Variants in SLC28A3 observed in about 807,000 individuals in gnomAD.
The protein encoded by SLC28A3 is solute carrier family 28 member 3, also known as concentrative Na(+)-nucleoside cotransporter 3.
SLC28A3 carries 68 observed loss-of-function variants against 84.2 expected under a neutral mutation model. The ratio of observed to expected loss-of-function variants is 0.81; its 90% CI spans 0.66 to 0.99. The LOEUF (loss-of-function observed/expected upper bound fraction) is 0.99. SLC28A3 is among the 50% of genes least tolerant of loss of function. The pLI is 0.00. For synonymous variants in SLC28A3, 267 were observed against 303.6 expected, an observed-to-expected ratio of 0.88 and a Z score of 1.25; for missense variants, 712 against 841.5, an observed-to-expected ratio of 0.85 and a Z score of 1.90.
At chr9:84,320,216 A>ATTTTT (rs113128132) in intron 1 of SLC28A3, among the ~76,000 whole-genome samples, 17 of 147,746 alleles carry the variant, frequency 1.2e-4, no homozygotes, top group African/African-American at 4.2e-4. Flanking sequence ...CACCCTGCTC[A>ATTTTT]TTTTTTTTTT....
At chr9:84,345,804 A>G in the SLC28A3 span, among the ~76,000 whole-genome samples, 2 of 152,318 alleles carry the variant, frequency 1.3e-5, no homozygotes, top group South Asian at 2.1e-4. Flanking sequence ...TCTGAAGCCT[A>G]TCTTTAAGGA....
intron 3 of SLC28A3, among the ~76,000 whole-genome samples, chr9:84,307,445 A>AAAAAAAG (rs1554726630): frequency 1.4e-4 from 21 of 146,462 alleles, no homozygotes; most frequent in Admixed American, 5.5e-4. Context: ...AAAAAAAAAA[A>AAAAAAAG]CAAAAACAAA....
chr9:84,340,300 C>T (rs1163338241), intron 1 of SLC28A3, among the ~76,000 whole-genome samples: 1 of 152,084 alleles, frequency 6.6e-6, no homozygotes, highest in Non-Finnish European at 1.5e-5. Context: ...AATAATGGAC[C>T]CCTGCTGTGA....
At chr9:84,310,173 A>G (rs1825943068) in intron 2 of SLC28A3, among the ~76,000 whole-genome samples, 1 of 152,210 alleles carries the variant, frequency 6.6e-6, no homozygotes, top group African/African-American at 2.4e-5. Context: ...GTCTGTGAAT[A>G]TGAACACTAG....
intron 5 of SLC28A3, among the ~76,000 whole-genome samples, chr9:84,301,368 A>AAAAAAAG (rs1825630571): frequency 6.6e-6 from 1 of 150,950 alleles, no homozygotes; most frequent in Non-Finnish European, 1.5e-5. Flanking sequence ...AAAAAAAAAA[A>AAAAAAAG]AAAAAAGAAA....
Position 84,279,256 on chromosome 9 carries a change from A to C in SLC28A3, c.1949+9T>G. 3 of 1,604,632 alleles carry C rather than the reference A, an allele frequency of 1.9e-6. No individual in the cohort carries two copies. Among genetic ancestry groups the C allele is most frequent in the Non-Finnish European group, 2.5e-6 (3 of 1,176,758 alleles). On this transcript the variant is annotated intron_variant, in intron 17 of 17. Transcript: ENST00000376238. ...GAGTATAAAGAAATTATAATCAAGA[A>C]TACAATACCTGCTCAACAGACTTTG...
rs773290675 is a variant in SLC28A3, at chr9:84,292,755, G to C, written c.943-7C>G. On this transcript the variant is annotated splice_region_variant and splice_polypyrimidine_tract_variant and intron_variant, in intron 9 of 17. Coordinates refer to ENST00000376238, the MANE Select transcript of SLC28A3 (RefSeq NM_001199633.2). ...CTAGCATGATCCATCCAACCTAAAA[G>C]GAAGAAAGGGACAAAGTCAGCAAAG... is the stretch of plus-strand genomic sequence containing the variant. The C allele has an allele frequency of 6.5e-7, 1 of 1,541,366 alleles. No individual in the cohort carries two copies. The highest frequency in any genetic ancestry group is 8.7e-7 in the Non-Finnish European group (1 of 1,149,102).
chr9:84,334,899 T>A (rs906474775), intron 1 of SLC28A3, among the ~76,000 whole-genome samples: 2 of 152,154 alleles, frequency 1.3e-5, no homozygotes. Context: ...TTCTGTTGAC[T>A]TGTGGTTCTA....
At position 84,275,835 on chromosome 9, in the gene SLC28A3, G is replaced by A. The variant is rs887688272; in HGVS notation, c.*2383C>T. ...GTTCAAGGATGCACAGCATTAATAA[G>A]GAATCAACGTAGGACCTATGTGAAC... On this transcript the variant is annotated 3_prime_UTR_variant, in exon 18 of 18. Transcript: ENST00000376238. The A allele has an allele frequency of 1.3e-5, 2 of 152,108 alleles. No individual in the cohort carries two copies. Among genetic ancestry groups the A allele is most frequent in the Non-Finnish European group, 2.9e-5 (2 of 68,036 alleles). The allele number at this position is 152,108 out of a possible 1,614,324, so 9.4% of individuals were successfully genotyped here.
At position 84,288,027 on chromosome 9, in the gene SLC28A3, AG is replaced by A. The variant is rs1432046107; in HGVS notation, c.1280+20del. 1.2e-6 allele frequency: 2 copies of A among 1,613,390 alleles called. No homozygotes were observed. The highest frequency in any genetic ancestry group is 2.7e-5 in the African/African-American group (2 of 74,914). On this transcript the variant is annotated intron_variant, in intron 12 of 17. Transcript: ENST00000376238. Reference sequence around the variant, plus strand: ...GCCCCGGCTTGGGTAGTCATTAATTAGGTGAATGTGTCACACTTACCCACTT... The same window carrying A: ...GCCCCGGCTTGGGTAGTCATTAATTAGTGAATGTGTCACACTTACCCACTT...
At chr9:84,361,911 A>AAAATAAATAAATAAATAAAT in the SLC28A3 span, among the ~76,000 whole-genome samples, 1,941 of 151,106 alleles carry the variant, frequency 0.013, 38 homozygotes, top group African/African-American at 0.035. Flanking sequence ...TCTGTCTCTA[A>AAAATAAATAAATAAATAAAT]AAATAAATAA....
In SLC28A3 at chr9:84,297,575, G is replaced by A. The variant is rs529234606; in HGVS notation, c.784-277C>T. ...TGGCAATGTGTTGGGAGCCATACAT[G>A]GCTTGTAGGTGGCATTAGTTAGCAC... On this transcript the variant is annotated intron_variant, in intron 7 of 17. Coordinates refer to ENST00000376238, the MANE Select transcript of SLC28A3 (RefSeq NM_001199633.2). 3.8e-4 allele frequency among the ~76,000 whole-genome samples: 58 copies of A among 152,344 alleles called. 1 individual carries two copies. The highest frequency in any genetic ancestry group is 1.4e-3 in the African/African-American group (58 of 41,590).
At chr9:84,307,388 G>T (rs190916695) in intron 3 of SLC28A3, among the ~76,000 whole-genome samples, 1 of 142,188 alleles carries the variant, frequency 7.0e-6, no homozygotes, top group Non-Finnish European at 1.5e-5. Flanking sequence ...CCAAAATTGC[G>T]CCATTGGATT....
upstream of SLC28A3, among the ~76,000 whole-genome samples, chr9:84,342,139 A>AAAAAG (rs1269641929): frequency 5.2e-5 from 7 of 135,490 alleles, no homozygotes; most frequent in African/African-American, 2.3e-4. Context: ...AAAAAAAAAA[A>AAAAAG]AAAAAGAAAA....
intron 1 of SLC28A3, among the ~76,000 whole-genome samples, chr9:84,316,928 G>A (rs180776269): frequency 1.6e-4 from 25 of 152,214 alleles, no homozygotes; most frequent in African/African-American, 5.8e-4. Context: ...TTGAACCAGG[G>A]AAGTGGAGGT....
At chr9:84,337,875 C>T (rs148976360) in intron 1 of SLC28A3, among the ~76,000 whole-genome samples, 36 of 152,212 alleles carry the variant, frequency 2.4e-4, no homozygotes, top group African/African-American at 8.4e-4. Flanking sequence ...GCTGTGAAAT[C>T]CTTTCTTGGA....
At chr9:84,282,376 T>G (rs938542447) in intron 14 of SLC28A3, among the ~76,000 whole-genome samples, 12 of 152,152 alleles carry the variant, frequency 7.9e-5, no homozygotes, top group Non-Finnish European at 1.0e-4. Flanking sequence ...AGCCCTTAAG[T>G]TGGTATATAA....
In SLC28A3 at chr9:84,283,787, C is replaced by T. The variant is rs12351191; in HGVS notation, c.1647+1558G>A. Among the ~76,000 whole-genome samples, 695 of 152,320 alleles carry T rather than the reference C, an allele frequency of 4.6e-3. 7 individuals are homozygous for T. The highest frequency in any genetic ancestry group is 0.016 in the African/African-American group (668 of 41,572). ...TGGATATCACTGGGGTTTTGCCTCA[C>T]GGACCCACATGGTACGTTCTGTTCT... On this transcript the variant is annotated intron_variant, in intron 14 of 17. Transcript: ENST00000376238.
intron 11 of SLC28A3, among the ~76,000 whole-genome samples, chr9:84,288,881 G>A (rs1009999400): frequency 2.0e-5 from 3 of 152,116 alleles, no homozygotes; most frequent in South Asian, 2.1e-4. Context: ...ATGGGGAGGG[G>A]ATGGGGAGTG....
Sources: gnomAD v4.1 joint callset for allele counts (sites outside exome capture counted in the v4.1 genomes callset) on GRCh38, gnomAD v4.1.1 for gene constraint, MANE v1.5 for transcripts, NCBI Gene and HGNC (gene_info 2026-07-23, HGNC 2026-07-21) for gene names.